Variants in C12orf56 observed in about 807,000 individuals in gnomAD.
C12orf56 encodes the protein chromosome 12 open reading frame 56, also known as uncharacterized protein C12orf56.
In C12orf56, 71 loss-of-function variants were observed where a neutral mutation model predicts 69.9. That is an observed-to-expected ratio of 1.02 (90% CI 0.84 to 1.24). The LOEUF (loss-of-function observed/expected upper bound fraction) is 1.24. Ranked by LOEUF, C12orf56 falls within the 50% of genes most tolerant of loss-of-function variation. The probability of loss-of-function intolerance (pLI) is 0.00; values close to 1 mark genes in which losing one functional copy is unlikely to be tolerated. For missense variants in C12orf56, 732 were observed against 738.5 expected, an observed-to-expected ratio of 0.99 and a Z score of 0.10; for synonymous variants, 276 against 274.1, an observed-to-expected ratio of 1.01 and a Z score of -0.07.
intron 1 of C12orf56, among the ~76,000 whole-genome samples, chr12:64,384,668 A>G (rs2039763698): frequency 6.6e-6 from 1 of 152,166 alleles, no homozygotes; most frequent in African/African-American, 2.4e-5. Context: ...TGGAGTTGAC[A>G]GATTTTCTTT....
chr12:64,318,481 C>G, intron 4 of C12orf56, 94 bp downstream of exon 4: 1 of 1,118,366 alleles, frequency 8.9e-7, no homozygotes, highest in Non-Finnish European at 1.2e-6. Flanking sequence ...GCTAAATTTC[C>G]AAAATGGGAG....
chr12:64,321,535 T>A (rs1436366), intron 3 of C12orf56, among the ~76,000 whole-genome samples: 67,958 of 151,940 alleles, frequency 0.45, 15,565 homozygotes, highest in African/African-American at 0.54. Flanking sequence ...GGTCTCACTA[T>A]GTTGCCAGGG....
intron 3 of C12orf56, among the ~76,000 whole-genome samples, chr12:64,321,904 A>G (rs955277594): frequency 6.6e-6 from 1 of 151,882 alleles, no homozygotes; most frequent in Admixed American, 6.6e-5. Context: ...GAGATTCTTG[A>G]ACCTGTAAGT....
chr12:64,286,037 T>G lies in C12orf56; in HGVS notation c.1137A>C (p.Ile379=). 1 of 1,606,628 alleles carries G rather than the reference T, an allele frequency of 6.2e-7. No homozygotes were observed. The highest frequency in any genetic ancestry group is 8.5e-7 in the Non-Finnish European group (1 of 1,175,080). Residue 379 remains isoleucine (I), a synonymous_variant, in exon 7 of 13, where the codon ATA becomes ATC. Coordinates refer to ENST00000543942, the MANE Select transcript of C12orf56 (RefSeq NM_001170633.2). ...GCAAGTACTCATGAAGTTTGTTTAC[T>G]ATGAAATAGAAAAGGTCACTGGTCT... ...FWKTSDLFYF[I]VNKLHEYLPE...
chr12:64,332,904 A>G (rs897810817), intron 2 of C12orf56, among the ~76,000 whole-genome samples: 1 of 152,162 alleles, frequency 6.6e-6, no homozygotes, highest in Admixed American at 6.5e-5. Flanking sequence ...TTGATTCCCT[A>G]GGAGACTCCA....
intron 5 of C12orf56, among the ~76,000 whole-genome samples, chr12:64,307,579 G>T (rs2038532315): frequency 1.3e-5 from 2 of 151,872 alleles, no homozygotes; most frequent in Non-Finnish European, 2.9e-5. Flanking sequence ...ATGTTGGCCA[G>T]GCTGGTCTTG....
intron 6 of C12orf56, among the ~76,000 whole-genome samples, chr12:64,293,803 G>A (rs1244346901): frequency 6.6e-6 from 1 of 152,198 alleles, no homozygotes; most frequent in Non-Finnish European, 1.5e-5. Flanking sequence ...AGTGCTAAGA[G>A]AGGCAAAATG....
chr12:64,270,599 C>T lies in C12orf56; in HGVS notation c.1700G>A (p.Ser567Asn), dbSNP rs948005217. The T allele has an allele frequency of 3.1e-6, 5 of 1,613,516 alleles. No individual in the cohort carries two copies. The highest frequency in any genetic ancestry group is 4.2e-6 in the Non-Finnish European group (5 of 1,179,738). The part of the protein sequence containing the change: ...LLYQQFYILK[S>N]CLRHSRTLAE... ...TAGAGTCCTGCTGTGCCGCAGACAG[C>T]TCTTGAGGATGTAAAATTGCTGGTA... Residue 567 changes from serine to asparagine, a missense_variant, in exon 12 of 13, where the codon AGC becomes AAC. By Grantham distance (46) the Ser-to-Asn change is conservative. Transcript: ENST00000543942.
At chr12:64,341,643 T>C (rs1031245263) in intron 2 of C12orf56, among the ~76,000 whole-genome samples, 3 of 152,124 alleles carry the variant, frequency 2.0e-5, no homozygotes, top group African/African-American at 7.2e-5. Context: ...CCACAGATGG[T>C]AGTCTTGGCA....
Position 64,318,576 on chromosome 12 carries a change from A to G in C12orf56, c.893T>C (p.Ile298Thr), listed in dbSNP as rs556167942. ...AGGTTAACTTAGGAGGACACTTACT[A>G]TAATATAATTGTTCCATGAACTTTT... ...HLKSSWNNYI[I>T]KATLLQDPFY... Residue 298 changes from isoleucine (I) to threonine (T), a missense_variant and splice_region_variant, in exon 4 of 13, where the codon ATA (isoleucine) becomes ACA (threonine). Physicochemically the swap from Ile to Thr is moderately conservative, Grantham distance 89. Transcript: ENST00000543942. 3 of 1,527,992 alleles carry G rather than the reference A, an allele frequency of 2.0e-6. No individual in the cohort carries two copies. The highest frequency in any genetic ancestry group is 2.8e-5 in the African/African-American group (2 of 72,628). The allele number at this position is 1,527,992 out of a possible 1,614,324, so 94.7% of individuals were successfully genotyped here.
intron 3 of C12orf56, among the ~76,000 whole-genome samples, chr12:64,328,959 G>A (rs2136861132): frequency 6.6e-6 from 1 of 151,380 alleles, no homozygotes; most frequent in South Asian, 2.1e-4. Flanking sequence ...CAGCTACTCA[G>A]GAAGCTGAAG....
intron 12 of C12orf56, among the ~76,000 whole-genome samples, chr12:64,269,151 A>AAAAAT (rs57403781): frequency 2.6e-5 from 4 of 151,176 alleles, no homozygotes; most frequent in African/African-American, 9.7e-5. Context: ...AAAAAAAAAA[A>AAAAAT]GTCTATAAAT....
intron 1 of C12orf56, among the ~76,000 whole-genome samples, chr12:64,381,376 A>G (rs1209603193): frequency 6.6e-6 from 1 of 152,208 alleles, no homozygotes; most frequent in African/African-American, 2.4e-5. Flanking sequence ...GGAGAGTCAG[A>G]ATCTTGTAGC....
intron 1 of C12orf56, among the ~76,000 whole-genome samples, chr12:64,368,872 G>A (rs1332298551): frequency 6.6e-6 from 1 of 152,084 alleles, no homozygotes; most frequent in African/African-American, 2.4e-5. Context: ...TGTGTAAAAC[G>A]AGAAATACAG....
intron 3 of C12orf56, among the ~76,000 whole-genome samples, chr12:64,322,500 G>T (rs998584890): frequency 6.6e-6 from 1 of 151,994 alleles, no homozygotes; most frequent in Non-Finnish European, 1.5e-5. Flanking sequence ...ACTTCTTAGA[G>T]CATGGTTATA....
chr12:64,338,295 C>T (rs200932140), intron 2 of C12orf56: 249 of 507,906 alleles, frequency 4.9e-4, no homozygotes, highest in African/African-American at 4.4e-3. Context: ...TTACAATCCC[C>T]ATTATATATC....
In C12orf56 at chr12:64,343,239, C is replaced by T. The variant is rs185416684; in HGVS notation, c.415+9655G>A. The stretch of plus-strand genomic sequence containing the variant: ...AGGTAGAAGGTCCCTGAATTTTAGT[C>T]GGATTTTTTTCCTATCCTCTAGCAC... On this transcript the variant is annotated intron_variant, in intron 2 of 12. Coordinates refer to ENST00000543942, the MANE Select transcript of C12orf56 (RefSeq NM_001170633.2). Among the ~76,000 whole-genome samples, 218 of 152,230 alleles carry T rather than the reference C, an allele frequency of 1.4e-3. 4 individuals are homozygous for T. Among genetic ancestry groups the T allele is most frequent in the Admixed American group, 6.5e-4 (10 of 15,300 alleles).
intron 8 of C12orf56, among the ~76,000 whole-genome samples, chr12:64,280,822 C>T (rs550986480): frequency 6.6e-6 from 1 of 152,286 alleles, no homozygotes; most frequent in South Asian, 2.1e-4. Context: ...GAGACTATGG[C>T]CTGGCCAACA....
intron 6 of C12orf56, among the ~76,000 whole-genome samples, chr12:64,291,623 CT>C (rs1248909728): frequency 2.5e-3 from 3 of 1,220 alleles, no homozygotes; most frequent in African/African-American, 2.6e-3. Context: ...CTTAGTTTGG[CT>C]GGATATGAAA....
Sources: allele counts gnomAD v4.1 joint callset (sites outside exome capture counted in the v4.1 genomes callset), GRCh38; gene constraint gnomAD v4.1.1; transcripts MANE v1.5; gene names NCBI Gene and HGNC (gene_info 2026-07-23, HGNC 2026-07-21).